TYW1B: variants seen among roughly 807,000 people sequenced by gnomAD.
The protein encoded by TYW1B is S-adenosyl-L-methionine-dependent tRNA 4-demethylwyosine synthase TYW1B.
A neutral mutation model predicts 86.9 loss-of-function variants in TYW1B; 73 were observed. That is an observed-to-expected ratio of 0.84 (90% CI 0.70 to 1.02). The LOEUF is 1.02. TYW1B is among the 50% of genes least tolerant of loss of function. TYW1B has a pLI of 0.00. For missense variants in TYW1B, 637 were observed against 827.4 expected (o/e 0.77, Z 2.82); for synonymous variants, 248 against 292.8 (o/e 0.85, Z 1.56).
intron 11 of TYW1B, among the ~76,000 whole-genome samples, chr7:72,680,833 A>G (rs1227045841): frequency 1.3e-5 from 2 of 152,244 alleles, no homozygotes; most frequent in Admixed American, 1.3e-4. Context: ...AATGAGGTCC[A>G]CAGAGACTGC....
rs1321960787 is a variant in TYW1B at position 72,648,613 on chromosome 7, C to T, written c.1507-19616G>A. On this transcript the variant is annotated intron_variant, in intron 11 of 13. Transcript: ENST00000620995. ...TTTGGTAGAGAGTAGAAAAGACATG[C>T]CTTGAGTTCAGTAGAACCTAAGAAG... 9.2e-5 allele frequency among the ~76,000 whole-genome samples: 14 copies of T among 151,764 alleles called. 1 individual carries two copies. The highest frequency in any genetic ancestry group is 2.0e-4 in the Admixed American group (3 of 15,202).
chr7:72,581,627 T>G (rs1811153784), intron 13 of TYW1B, among the ~76,000 whole-genome samples: 1 of 151,814 alleles, frequency 6.6e-6, no homozygotes, highest in Admixed American at 6.6e-5. Flanking sequence ...CCCAGCTAAT[T>G]TTTGTATTTT....
At chr7:72,674,503 A>C (rs868970748) in intron 11 of TYW1B, among the ~76,000 whole-genome samples, 8 of 151,858 alleles carry the variant, frequency 5.3e-5, no homozygotes, top group Admixed American at 2.0e-4. Context: ...TTTTTTAATT[A>C]GGTCTTAATC....
At chr7:72,675,886 T>C (rs1813724209) in intron 11 of TYW1B, among the ~76,000 whole-genome samples, 2 of 152,202 alleles carry the variant, frequency 1.3e-5, no homozygotes, top group Admixed American at 1.3e-4. Context: ...AACTATTACA[T>C]AATATTTCAT....
chr7:72,659,671 C>T (rs782805490), intron 11 of TYW1B, among the ~76,000 whole-genome samples: 4 of 152,014 alleles, frequency 2.6e-5, no homozygotes, highest in Non-Finnish European at 5.9e-5. Context: ...GTGTGCAAAC[C>T]GGGTGGTGGG....
chr7:72,659,414 C>T (rs1440924201), intron 11 of TYW1B, among the ~76,000 whole-genome samples: 1 of 152,034 alleles, frequency 6.6e-6, no homozygotes, highest in East Asian at 1.9e-4. Flanking sequence ...CCTGTCTCTA[C>T]TAAAAATACA....
intron 11 of TYW1B, among the ~76,000 whole-genome samples, chr7:72,692,372 A>G (rs1306601601): frequency 8.2e-4 from 124 of 151,916 alleles, no homozygotes; most frequent in Non-Finnish European, 2.6e-4. Context: ...AAAATTAACT[A>G]GGCATGGCAG....
At chr7:72,807,467 C>T in intron 4 of TYW1B, 111 bp from the exon 5 acceptor site, 3 of 1,404,074 alleles carry the variant, frequency 2.1e-6, no homozygotes, top group Non-Finnish European at 2.9e-6. Flanking sequence ...TGGGCTACCA[C>T]TAAGAAAGAG....
At chr7:72,632,413 A>ATATATATATATAATATATATATACG (rs1812546795) in intron 11 of TYW1B, among the ~76,000 whole-genome samples, 11 of 84,188 alleles carry the variant, frequency 1.3e-4, no homozygotes, top group East Asian at 7.1e-4. Context: ...ATATATATAC[A>ATATATATATATAATATATATATACG]TATATATATA....
chr7:72,820,970 A>AT (rs1238815269), intron 2 of TYW1B, among the ~76,000 whole-genome samples: 15 of 150,060 alleles, frequency 1.0e-4, no homozygotes, highest in Admixed American at 2.6e-4. Context: ...GCACACTTAG[A>AT]TTTTTTTTGT....
chr7:72,777,334 T>A lies in TYW1B; in HGVS notation c.964+82A>T. ...CCACTATGAACAGCTGCTGAGCTAA[T>A]TAGAGAGAGACTTCATTCTAGGTAT... On this transcript the variant is annotated intron_variant, in intron 7 of 13. Transcript: ENST00000620995. 3.3e-6 allele frequency: 5 copies of A among 1,515,004 alleles called. No individual in the cohort carries two copies. In the Admixed American group the frequency reaches 9.0e-5, roughly 27 times the overall value. 93.8% of individuals were successfully genotyped at this position (1,515,004 alleles called of 1,614,324 possible). A position where few individuals can be genotyped will look rare whatever the true frequency, so the allele number is the denominator to read the frequency against.
intron 13 of TYW1B, among the ~76,000 whole-genome samples, chr7:72,610,788 G>A (rs761078070): frequency 3.8e-4 from 58 of 152,324 alleles, no homozygotes; most frequent in African/African-American, 1.1e-3. Flanking sequence ...TCGCAACAGT[G>A]TTTTAACTGG....
At chr7:72,759,128 C>T (rs1370798117) in intron 7 of TYW1B, among the ~76,000 whole-genome samples, 11 of 152,106 alleles carry the variant, frequency 7.2e-5, no homozygotes, top group Admixed American at 6.6e-4. Flanking sequence ...CTCAGGAGTT[C>T]GAGACCAGCC....
intron 12 of TYW1B, among the ~76,000 whole-genome samples, chr7:72,628,640 G>A (rs1488063255): frequency 6.6e-6 from 1 of 152,066 alleles, no homozygotes; most frequent in Non-Finnish European, 1.5e-5. Context: ...CTCACTTTGT[G>A]TGGACTGTCC....
intron 7 of TYW1B, among the ~76,000 whole-genome samples, chr7:72,750,763 T>C (rs1039706563): frequency 2.0e-5 from 3 of 152,190 alleles, no homozygotes; most frequent in Admixed American, 1.3e-4. Flanking sequence ...GGACCAGTAG[T>C]GTTTCAGATT....
intron 12 of TYW1B, among the ~76,000 whole-genome samples, chr7:72,625,187 A>G (rs1328264581): frequency 6.6e-6 from 1 of 151,868 alleles, no homozygotes; most frequent in Non-Finnish European, 1.5e-5. Context: ...TTCATTTCCC[A>G]AATAGCACAT....
At chr7:72,818,484 T>A (rs868987669) in intron 2 of TYW1B, among the ~76,000 whole-genome samples, 2 of 135,354 alleles carry the variant, frequency 1.5e-5, no homozygotes, top group African/African-American at 5.7e-5. Flanking sequence ...GAGGCTGAGG[T>A]GGAAGGATCG....
At chr7:72,810,705 C>A (rs782528060) in intron 3 of TYW1B, 40 bp from the exon 4 acceptor site, 14 of 1,546,820 alleles carry the variant, frequency 9.1e-6, no homozygotes, top group Non-Finnish European at 1.2e-5. Context: ...ACATACAAGG[C>A]ATAAATTATC....
At chr7:72,642,221 C>T (rs1812817669) in intron 11 of TYW1B, among the ~76,000 whole-genome samples, 1 of 152,138 alleles carries the variant, frequency 6.6e-6, no homozygotes, top group African/African-American at 2.4e-5. Flanking sequence ...CTCAAAACTG[C>T]TCAAAGAGCT....
Sources: allele counts gnomAD v4.1 joint callset (sites outside exome capture counted in the v4.1 genomes callset), GRCh38; gene constraint gnomAD v4.1.1; transcripts MANE v1.5; gene names NCBI Gene and HGNC (gene_info 2026-07-23, HGNC 2026-07-21).